The following RHPN2 variants were observed in gnomAD, a reference collection of about 807,000 sequenced individuals.
The protein encoded by RHPN2 is rhophilin Rho GTPase binding protein 2.
A neutral mutation model predicts 79.0 loss-of-function variants in RHPN2; 40 were observed. That is an observed-to-expected ratio of 0.51 (90% CI 0.39 to 0.66). RHPN2 has a LOEUF of 0.66. Among genes scored for constraint, RHPN2 ranks in the 30% least tolerant of loss-of-function variants. RHPN2 has a pLI of 0.00. For missense variants in RHPN2, 686 were observed against 883.5 expected, an observed-to-expected ratio of 0.78 and a Z score of 2.83; for synonymous variants, 285 against 363.5, an observed-to-expected ratio of 0.78 and a Z score of 2.46.
chr19:33,001,468 G>A (rs1440466851), intron 9 of RHPN2, among the ~76,000 whole-genome samples: 2 of 151,986 alleles, frequency 1.3e-5, no homozygotes, highest in East Asian at 3.9e-4. Context: ...CTTGAGCCCA[G>A]GAGTTCAAGA....
At chr19:33,035,125 C>A (rs1299518780) in intron 2 of RHPN2, among the ~76,000 whole-genome samples, 10 of 151,956 alleles carry the variant, frequency 6.6e-5, no homozygotes, top group Non-Finnish European at 1.5e-4. Context: ...GCCACCACAC[C>A]CAGCTAATTT....
At chr19:32,998,967 A>G in intron 10 of RHPN2, among the ~76,000 whole-genome samples, 1 of 112,060 alleles carries the variant, frequency 8.9e-6, no homozygotes, top group South Asian at 3.8e-4. Flanking sequence ...AGAGGAGGGG[A>G]AGGGAGGGGA....
At position 32,995,782 on chromosome 19, in the gene RHPN2, C is replaced by T. The variant is rs570498978; in HGVS notation, c.1420+244G>A. The stretch of plus-strand genomic sequence containing the variant: ...GCTGAGGCAGAAGAATCACTTGAAC[C>T]CGGGAAGCAGAGGTTGCAGTGAGCC... On this transcript the variant is annotated intron_variant, in intron 11 of 14. Transcript: ENST00000254260. Among the ~76,000 whole-genome samples, 6 of 152,234 alleles carry T rather than the reference C, an allele frequency of 3.9e-5. No homozygotes were observed. The East Asian group carries it at 1.2e-3, about 29-fold the overall frequency.
chr19:33,014,402 C>T (rs1245947750), intron 4 of RHPN2, among the ~76,000 whole-genome samples: 2 of 152,108 alleles, frequency 1.3e-5, no homozygotes, highest in African/African-American at 4.8e-5. Flanking sequence ...AACTCCCGGG[C>T]TCAAGTCATC....
intron 2 of RHPN2, among the ~76,000 whole-genome samples, chr19:33,040,230 C>A (rs1339773637): frequency 7.7e-6 from 1 of 129,868 alleles, no homozygotes; most frequent in East Asian, 2.2e-4. Context: ...AGGCAACCTG[C>A]CTTTTTTTTT....
intron 1 of RHPN2, among the ~76,000 whole-genome samples, chr19:33,063,810 C>G (rs1972302557): frequency 6.7e-6 from 1 of 149,608 alleles, no homozygotes; most frequent in Admixed American, 6.6e-5. Context: ...CACCCGCCAC[C>G]CGCCGCCCGC....
chr19:32,990,364 A>G (rs1971647915), intron 14 of RHPN2, 150 bp downstream of exon 14: 1 of 834,986 alleles, frequency 1.2e-6, no homozygotes, highest in South Asian at 1.5e-5. Context: ...AGGTGAGCAC[A>G]TTACAGTGAT....
intron 4 of RHPN2, 25 bp from the exon 5 acceptor site, chr19:33,012,749 T>TTA: frequency 7.4e-7 from 1 of 1,352,976 alleles, no homozygotes; most frequent in Non-Finnish European, 1.1e-6. Context: ...AGGTCAGATG[T>TTA]TATAAAGTGT....
chr19:33,001,372 A>AC (rs1971747452), intron 9 of RHPN2, among the ~76,000 whole-genome samples: 18 of 151,110 alleles, frequency 1.2e-4, no homozygotes, highest in Admixed American at 5.3e-4. Context: ...CTCCATCTCT[A>AC]TAAAAAAAAA....
intron 4 of RHPN2, among the ~76,000 whole-genome samples, chr19:33,017,795 C>T (rs1295743793): frequency 6.7e-5 from 10 of 150,306 alleles, no homozygotes; most frequent in Admixed American, 1.3e-4. Flanking sequence ...CCGAGGTGGG[C>T]GGATCACCTG....
intron 7 of RHPN2, among the ~76,000 whole-genome samples, chr19:33,006,980 C>T (rs1171666737): frequency 2.0e-5 from 3 of 151,776 alleles, no homozygotes; most frequent in Non-Finnish European, 4.4e-5. Flanking sequence ...AGGCAGACGT[C>T]GTAGTGAGCA....
rs1568306942 is a variant in RHPN2 at position 32,980,172 on chromosome 19, C to G, written c.1885G>C (p.Asp629His). The change falls in exon 15 of 15, where the codon GAT (aspartate) becomes CAT (histidine). Residue 629 changes from aspartate to histidine, a missense_variant. Transcript: ENST00000254260. ...TTCTTGGAGATTTTCTTGGTTTTAT[C>G]AGTTTTGTCGTCATCATCAATGGCT... Reference protein sequence around the residue: ...CLAIDDDDKTDKTKKISKKLS... With the variant: ...CLAIDDDDKTHKTKKISKKLS... 4 of 1,613,934 alleles carry G rather than the reference C, an allele frequency of 2.5e-6. No homozygotes were observed. Among genetic ancestry groups the G allele is most frequent in the Non-Finnish European group, 3.4e-6 (4 of 1,179,866 alleles).
At chr19:33,037,102 C>T (rs987189295) in intron 2 of RHPN2, among the ~76,000 whole-genome samples, 2 of 152,212 alleles carry the variant, frequency 1.3e-5, no homozygotes, top group African/African-American at 4.8e-5. Context: ...TTATGTCTAG[C>T]TAAGGGATTG....
chr19:33,026,965 G>A (rs1056123897), intron 2 of RHPN2: 3 of 348,382 alleles, frequency 8.6e-6, no homozygotes, highest in Non-Finnish European at 1.1e-5. Flanking sequence ...GAAAAGAAAT[G>A]AATGATTCCA....
chr19:33,032,860 G>A (rs553882327), intron 2 of RHPN2, among the ~76,000 whole-genome samples: 1 of 152,228 alleles, frequency 6.6e-6, no homozygotes, highest in African/African-American at 2.4e-5. Context: ...CCTATTGCCT[G>A]CCAGGAAGCT....
intron 14 of RHPN2, among the ~76,000 whole-genome samples, chr19:32,990,016 A>G (rs1315178519): frequency 2.0e-5 from 3 of 152,088 alleles, no homozygotes; most frequent in Non-Finnish European, 2.9e-5. Context: ...GAGGCAGGAG[A>G]ATGGTGTGAA....
In RHPN2 at chr19:32,991,937, C is replaced by T; in HGVS notation, c.1530G>A (p.Arg510=). Residue 510 remains arginine (R), a synonymous_variant, in exon 13 of 15, where the codon CGG becomes CGA. Transcript: ENST00000254260. ...AGCGGATGCTTCGAGGAGGCGTCCA[C>T]CGCTTGTTAGCCGAAAACACAGATA... The part of the protein sequence containing the change: ...GPLSVFSANK[R]WTPPRSIRFT... 3.1e-6 allele frequency: 5 copies of T among 1,613,984 alleles called. No individual in the cohort carries two copies. The highest frequency in any genetic ancestry group is 4.2e-6 in the Non-Finnish European group (5 of 1,179,864).
chr19:33,050,765 A>C (rs1599835286), intron 1 of RHPN2, among the ~76,000 whole-genome samples: 1 of 151,462 alleles, frequency 6.6e-6, no homozygotes, highest in Non-Finnish European at 1.5e-5. Flanking sequence ...TGCAAACTCC[A>C]CCTCCCGGGC....
intron 1 of RHPN2, among the ~76,000 whole-genome samples, chr19:33,057,695 G>GA (rs71176188): frequency 0.16 from 22,953 of 141,644 alleles, 1,997 homozygotes; most frequent in East Asian, 0.35. Context: ...AAAAAAGATA[G>GA]AAAAAAAAAA....
Sources: allele counts gnomAD v4.1 joint callset (sites outside exome capture counted in the v4.1 genomes callset), GRCh38; gene constraint gnomAD v4.1.1; transcripts MANE v1.5; gene names NCBI Gene and HGNC (gene_info 2026-07-23, HGNC 2026-07-21).